ABCC12: variants seen among roughly 807,000 people sequenced by gnomAD.
The protein encoded by ABCC12 is ATP binding cassette subfamily C member 12, also known as ATP-binding cassette sub-family C member 12.
ABCC12 carries 142 observed loss-of-function variants against 151.1 expected under a neutral mutation model. The observed-to-expected ratio is 0.94, with a 90% CI of 0.82 to 1.08. The LOEUF is 1.08. ABCC12 is among the 50% of genes least tolerant of loss of function. The pLI is 0.00. For missense variants in ABCC12, 1,638 were observed against 1,691.1 expected (o/e 0.97, Z 0.55); for synonymous variants, 645 against 646.4 (o/e 1.00, Z 0.03).
intron 13 of ABCC12, among the ~76,000 whole-genome samples, chr16:48,120,483 A>G (rs1263229374): frequency 6.6e-6 from 1 of 152,062 alleles, no homozygotes; most frequent in East Asian, 1.9e-4. Context: ...AATTTAGAAA[A>G]CTCAAACATT....
intron 15 of ABCC12, among the ~76,000 whole-genome samples, chr16:48,113,947 G>C (rs1199676344): frequency 1.3e-5 from 2 of 152,172 alleles, no homozygotes; most frequent in Non-Finnish European, 2.9e-5. Context: ...CCTGCTGCAG[G>C]GTGTCTCCAG....
At chr16:48,096,997 A>G (rs1963123282) in intron 23 of ABCC12, 95 bp from the exon 24 acceptor site, 1 of 1,506,992 alleles carries the variant, frequency 6.6e-7, no homozygotes, top group Non-Finnish European at 9.2e-7. Context: ...GGTTAGGGTG[A>G]CTGGAGAAAT....
chr16:48,124,273 C>T lies in ABCC12; in HGVS notation c.1527G>A (p.Leu509=). 1 of 1,614,182 alleles carries T rather than the reference C, an allele frequency of 6.2e-7. No individual in the cohort carries two copies. Among genetic ancestry groups the T allele is most frequent in the Non-Finnish European group, 8.5e-7 (1 of 1,180,010 alleles). ...ISFVVRKGKI[L]GICGNVGSGK... ...CACTTCCCACATTCCCACATATTCC[C>T]AAGATCTTCCCCTGCCAGAGAAACA... is the stretch of plus-strand genomic sequence containing the variant. Residue 509 remains leucine (L), a synonymous_variant, in exon 12 of 31, where the codon TTG becomes TTA. Coordinates refer to ENST00000311303, the MANE Select transcript of ABCC12 (RefSeq NM_001393797.1).
chr16:48,155,061 T>G (rs1458759500), intron 1 of ABCC12, among the ~76,000 whole-genome samples: 2 of 152,202 alleles, frequency 1.3e-5, no homozygotes, highest in Non-Finnish European at 2.9e-5. Flanking sequence ...CCCAGGCACC[T>G]GTGGCAGCCA....
At position 48,083,068 on chromosome 16, in the gene ABCC12, G is replaced by A. The variant is rs544104290; in HGVS notation, c.*647C>T. 1.4e-4 allele frequency: 21 copies of A among 152,330 alleles called. No homozygotes were observed. The highest frequency in any genetic ancestry group is 4.6e-4 in the African/African-American group (19 of 41,568). The allele number at this position is 152,330 out of a possible 1,614,324, so 9.4% of individuals were successfully genotyped here. A position where few individuals can be genotyped will look rare whatever the true frequency, so the allele number is the denominator to read the frequency against. On this transcript the variant is annotated 3_prime_UTR_variant, in exon 31 of 31. Transcript: ENST00000311303. ...ACATTTCAGGGTAATTTCCTACCGC[G>A]TTTTAACGACGAATAAAGAAGATAT...
rs760811903 is a variant in ABCC12, at chr16:48,111,440, T to C, written c.2277A>G (p.Thr759=). 1 of 1,614,136 alleles carries C rather than the reference T, an allele frequency of 6.2e-7. No homozygotes were observed. Among genetic ancestry groups the C allele is most frequent in the Non-Finnish European group, 8.5e-7 (1 of 1,179,950 alleles). ...ESETGSEFVD[T]KVPEHQLIQT... ...GAGGGGATGTGTGGTAAATACCTTT[T>C]GTGTCTACAAATTCTGAGCCTGTTT... is the stretch of plus-strand genomic sequence containing the variant. The change falls in exon 18 of 31, where the codon ACA becomes ACG. Residue 759 remains threonine, a synonymous_variant. Coordinates refer to ENST00000311303, the MANE Select transcript of ABCC12 (RefSeq NM_001393797.1).
chr16:48,082,625 T>G lies in ABCC12; in HGVS notation c.*1090A>C, dbSNP rs1333326445. ...ACCAACACTTACAAGGGAAGTGGGG[T>G]GGGGGGTTGTGGTCTGGAAGCTTTG... On this transcript the variant is annotated 3_prime_UTR_variant, in exon 31 of 31. Coordinates refer to ENST00000311303, the MANE Select transcript of ABCC12 (RefSeq NM_001393797.1). 1.3e-5 allele frequency among the ~76,000 whole-genome samples: 2 copies of G among 151,916 alleles called. No homozygotes were observed. Among genetic ancestry groups the G allele is most frequent in the East Asian group, 3.9e-4 (2 of 5,170 alleles).
chr16:48,135,955 A>G (rs1299435500), intron 8 of ABCC12, among the ~76,000 whole-genome samples: 1 of 152,176 alleles, frequency 6.6e-6, no homozygotes, highest in Admixed American at 6.5e-5. Flanking sequence ...AGATGTTCTA[A>G]TGGCGTGATC....
At chr16:48,109,763 C>T (rs1469168658) in intron 18 of ABCC12, among the ~76,000 whole-genome samples, 1 of 152,230 alleles carries the variant, frequency 6.6e-6, no homozygotes, top group African/African-American at 2.4e-5. Flanking sequence ...TCCAGGAGCA[C>T]AAAAGGGACT....
At chr16:48,121,382 T>G (rs990611138) in intron 13 of ABCC12, 2 of 209,192 alleles carry the variant, frequency 9.6e-6, no homozygotes, top group African/African-American at 4.7e-5. Flanking sequence ...TTTTGGGTAC[T>G]CAGCCTAAAG....
Position 48,083,504 on chromosome 16 carries a change from G to T in ABCC12, c.*211C>A. ...TTAATCCATTAGCTGGGTCTGCCCCGGTTCACCACCCAGAACCAACCCCAA... is the reference window on the plus strand; with the variant it reads ...TTAATCCATTAGCTGGGTCTGCCCCTGTTCACCACCCAGAACCAACCCCAA... On this transcript the variant is annotated 3_prime_UTR_variant, in exon 31 of 31. Coordinates refer to ENST00000311303, the MANE Select transcript of ABCC12 (RefSeq NM_001393797.1). 1 of 568,430 alleles carries T rather than the reference G, an allele frequency of 1.8e-6. No homozygotes were observed. Among genetic ancestry groups the T allele is most frequent in the East Asian group, 3.0e-5 (1 of 33,088 alleles). The allele number at this position is 568,430 out of a possible 1,614,324, so 35.2% of individuals were successfully genotyped here.
intron 13 of ABCC12, among the ~76,000 whole-genome samples, chr16:48,120,519 A>T (rs1001894240): frequency 6.6e-6 from 1 of 152,062 alleles, no homozygotes; most frequent in African/African-American, 2.4e-5. Flanking sequence ...GAATAACTAT[A>T]GAAATGTCCA....
chr16:48,111,562 G>A lies in ABCC12; in HGVS notation c.2209+16C>T. On this transcript the variant is annotated intron_variant, in intron 17 of 30. Transcript: ENST00000311303. Reference sequence around the variant, plus strand: ...TCCATTCAAGCCAAGGACAATAACAGGGATGGGATTCTAACCGATTATACC... The same window carrying A: ...TCCATTCAAGCCAAGGACAATAACAAGGATGGGATTCTAACCGATTATACC... 3.1e-6 allele frequency: 5 copies of A among 1,614,182 alleles called. No individual in the cohort carries two copies. Among genetic ancestry groups the A allele is most frequent in the Non-Finnish European group, 4.2e-6 (5 of 1,180,020 alleles).
intron 23 of ABCC12, among the ~76,000 whole-genome samples, chr16:48,099,329 AG>A (rs1238330916): frequency 6.6e-6 from 1 of 152,146 alleles, no homozygotes; most frequent in Non-Finnish European, 1.5e-5. Flanking sequence ...CCCAGGAGAT[AG>A]AAGTTGCAAT....
At chr16:48,142,732 C>T (rs16945881) in intron 4 of ABCC12, among the ~76,000 whole-genome samples, 4,906 of 152,302 alleles carry the variant, frequency 0.032, 251 homozygotes, top group African/African-American at 0.11. Context: ...TTGATGTCTT[C>T]ATCCTAACAT....
chr16:48,100,959 C>G lies in ABCC12; in HGVS notation c.2951G>C (p.Arg984Pro). ...QELKKVENVS[R>P]SPWFTHITSS... ...GGTGATGTGGGTGAACCAGGGTGAC[C>G]GGCTGACATTCTCCACCTTCTTGAG... The change falls in exon 23 of 31, where the codon CGG becomes CCG. Residue 984 changes from arginine to proline, a missense_variant. Coordinates refer to ENST00000311303, the MANE Select transcript of ABCC12 (RefSeq NM_001393797.1). 2 of 1,614,136 alleles carry G rather than the reference C, an allele frequency of 1.2e-6. No individual in the cohort carries two copies. The highest frequency in any genetic ancestry group is 1.7e-6 in the Non-Finnish European group (2 of 1,180,016).
chr16:48,098,583 A>G (rs180760213), intron 23 of ABCC12, among the ~76,000 whole-genome samples: 1 of 152,350 alleles, frequency 6.6e-6, no homozygotes, highest in African/African-American at 2.4e-5. Context: ...ATGTAGCTAT[A>G]CAGCATACAA....
intron 12 of ABCC12, among the ~76,000 whole-genome samples, chr16:48,122,604 ACG>A (rs1964109429): frequency 6.6e-6 from 1 of 152,168 alleles, no homozygotes; most frequent in South Asian, 2.1e-4. Flanking sequence ...GCTGATGCTC[ACG>A]GGGCAGTGGC....
intron 28 of ABCC12, chr16:48,086,214 T>C (rs1962593629): frequency 5.8e-6 from 1 of 171,560 alleles, no homozygotes; most frequent in African/African-American, 2.4e-5. Context: ...GCTGGGGCTG[T>C]AGCTCTTATA....
Sources: allele counts gnomAD v4.1 joint callset (sites outside exome capture counted in the v4.1 genomes callset), GRCh38; gene constraint gnomAD v4.1.1; transcripts MANE v1.5; gene names NCBI Gene and HGNC (gene_info 2026-07-23, HGNC 2026-07-21).